The following EIF4E2 variants were observed in gnomAD, a reference collection of about 807,000 sequenced individuals.
EIF4E2 encodes eukaryotic translation initiation factor 4E family member 2.
EIF4E2 carries 13 observed loss-of-function variants against 34.2 expected under a neutral mutation model. That is an observed-to-expected ratio of 0.38 (90% CI 0.25 to 0.60). The LOEUF is 0.60. EIF4E2 is among the 20% of genes least tolerant of loss of function. EIF4E2 has a pLI of 0.62. For missense variants in EIF4E2, 222 were observed against 315.1 expected (o/e 0.70, Z 2.24); for synonymous variants, 100 against 106.6 (o/e 0.94, Z 0.38).
In EIF4E2 at chr2:232,580,825, C is replaced by T. The variant is rs1358587880; in HGVS notation, c.666-79C>T. On this transcript the variant is annotated intron_variant, in intron 6 of 6. Transcript: ENST00000409098. ...GAGACCCCGAGGGCTGATGAGTCAG[C>T]ATCCCCCTGTATATGTGTGCTTCTG... The T allele has an allele frequency of 9.2e-6, 12 of 1,305,282 alleles. No homozygotes were observed. In the Admixed American group the frequency reaches 2.5e-4, roughly 27 times the overall value. The allele number at this position is 1,305,282 out of a possible 1,614,324, so 80.9% of individuals were successfully genotyped here.
At chr2:232,554,039 C>T (rs1011889304) in intron 1 of EIF4E2, among the ~76,000 whole-genome samples, 1 of 152,100 alleles carries the variant, frequency 6.6e-6, no homozygotes, top group African/African-American at 2.4e-5. Flanking sequence ...AGGGTGTGCC[C>T]TGAAGAAGAG....
chr2:232,574,718 G>C (rs1002841131), intron 6 of EIF4E2, among the ~76,000 whole-genome samples: 1 of 152,192 alleles, frequency 6.6e-6, no homozygotes, highest in Non-Finnish European at 1.5e-5. Context: ...AGTTCCACAG[G>C]CCCCAACATG....
chr2:232,580,876 T>C (rs555802431), intron 6 of EIF4E2: 2 of 1,539,944 alleles, frequency 1.3e-6, no homozygotes, highest in Non-Finnish European at 1.8e-6. Flanking sequence ...TATTGAACAC[T>C]CTATTTTCTC....
chr2:232,559,219 TA>T lies in EIF4E2; in HGVS notation c.270+1215del, dbSNP rs1553582294. 7.7e-3 allele frequency among the ~76,000 whole-genome samples: 516 copies of T among 66,720 alleles called. 2 individuals carry two copies. The highest frequency in any genetic ancestry group is 0.011 in the African/African-American group (154 of 14,338). The allele number at this position is 66,720 out of a possible 152,430, so 43.8% of individuals were successfully genotyped here. ...CACATGTACCCTAAAACTTAAAGTA[TA>T]AAAAAAAAAAAAAGAATGATTCAGT... On this transcript the variant is annotated intron_variant, in intron 3 of 6. Transcript: ENST00000258416.
At chr2:232,560,578 C>G (rs1692688427) in intron 3 of EIF4E2, among the ~76,000 whole-genome samples, 1 of 152,116 alleles carries the variant, frequency 6.6e-6, no homozygotes, top group South Asian at 2.1e-4. Flanking sequence ...GAGTTTGAGA[C>G]CAGCCTGGGC....
rs1693032970 is a variant in EIF4E2 at position 232,569,190 on chromosome 2, TTAA to T, written c.*177_*179del. ...CAGCTACAACAACAGCTGAGATCAC[TTAA>T]TAAATGGTGCTAAACTAGCTTGTCT... On this transcript the variant is annotated 3_prime_UTR_variant, in exon 7 of 7. Coordinates refer to ENST00000258416, the MANE Select transcript of EIF4E2 (RefSeq NM_004846.4). 1 of 1,436,996 alleles carries T rather than the reference TTAA, an allele frequency of 7.0e-7. No homozygotes were observed. The highest frequency in any genetic ancestry group is 9.1e-7 in the Non-Finnish European group (1 of 1,097,862). The allele number at this position is 1,436,996 out of a possible 1,614,324, so 89.0% of individuals were successfully genotyped here. A position where few individuals can be genotyped will look rare whatever the true frequency, so the allele number is the denominator to read the frequency against.
At chr2:232,577,815 G>A (rs1478632993) in intron 6 of EIF4E2, among the ~76,000 whole-genome samples, 5 of 152,264 alleles carry the variant, frequency 3.3e-5, no homozygotes, top group East Asian at 1.9e-4. Context: ...TGCTGTCACA[G>A]CTTTGCCAGA....
rs1299330456 is a variant in EIF4E2, at chr2:232,566,121, G to A, written c.376-708G>A. Among the ~76,000 whole-genome samples, 1 of 152,064 alleles carries A rather than the reference G, an allele frequency of 6.6e-6. No individual in the cohort carries two copies. The highest frequency in any genetic ancestry group is 6.6e-5 in the Admixed American group (1 of 15,262). On this transcript the variant is annotated intron_variant, in intron 4 of 6. Transcript: ENST00000258416. The surrounding 1 kb of genome is among the most constrained non-coding windows in gnomAD (Gnocchi z 4.9). ...AAGAAAAAAAAAAAAACTAGATTGGGGCTTCATGTCTGTGTACTTGGTATG... is the reference window on the plus strand; with the variant it reads ...AAGAAAAAAAAAAAAACTAGATTGGAGCTTCATGTCTGTGTACTTGGTATG...
At chr2:232,569,238 G>A, downstream of EIF4E2, 1 of 1,383,106 alleles carries the variant, frequency 7.2e-7, no homozygotes, top group Non-Finnish European at 9.4e-7. Context: ...GCTCTTTATG[G>A]TGCATCAAAG....
chr2:232,577,098 A>C (rs1484389076), intron 6 of EIF4E2, among the ~76,000 whole-genome samples: 1 of 152,250 alleles, frequency 6.6e-6, no homozygotes, highest in African/African-American at 2.4e-5. Flanking sequence ...GCTGGTATAC[A>C]CAGAGCAGTG....
chr2:232,555,884 TA>T (rs1410440527), intron 1 of EIF4E2, among the ~76,000 whole-genome samples: 2 of 152,014 alleles, frequency 1.3e-5, no homozygotes, highest in Non-Finnish European at 2.9e-5. Flanking sequence ...GATTTGCACT[TA>T]AAAAGATAAT....
At chr2:232,574,219 T>C in intron 6 of EIF4E2, 10 of 1,538,716 alleles carry the variant, frequency 6.5e-6, no homozygotes, top group Non-Finnish European at 8.8e-6. Context: ...TCAAAAGCTT[T>C]TGATCTGAAT....
In EIF4E2 at chr2:232,564,740, C is replaced by T. The variant is rs148194747; in HGVS notation, c.375+389C>T. ...TGCTGGGATTACAGGCGTGAGCCAC[C>T]GTGCCCAGCTGGTTAAAAGTGTTTT... is the stretch of plus-strand genomic sequence containing the variant. On this transcript the variant is annotated intron_variant, in intron 4 of 6. Transcript: ENST00000258416. Among the ~76,000 whole-genome samples the T allele has an allele frequency of 4.7e-3, 712 of 152,312 alleles. 6 individuals carry two copies. Among genetic ancestry groups the T allele is most frequent in the African/African-American group, 0.016 (681 of 41,564 alleles).
At chr2:232,560,568 GAGTT>G (rs2106241441) in intron 3 of EIF4E2, among the ~76,000 whole-genome samples, 1 of 152,210 alleles carries the variant, frequency 6.6e-6, no homozygotes, top group South Asian at 2.1e-4. Context: ...TTGATCTCAA[GAGTT>G]TGAGACCAGC....
chr2:232,556,585 T>C, intron 2 of EIF4E2, 55 bp downstream of exon 2: 2 of 1,256,104 alleles, frequency 1.6e-6, no homozygotes, highest in Non-Finnish European at 2.3e-6. Flanking sequence ...TTTTATTATC[T>C]TGTGGAATCT....
rs1056041340 is a variant in EIF4E2, at chr2:232,564,154, A to G, written c.271-93A>G. 5.1e-6 allele frequency: 4 copies of G among 791,636 alleles called. No homozygotes were observed. In the African/African-American group the frequency reaches 5.3e-5, roughly 10 times the overall value. 49.0% of individuals were successfully genotyped at this position (791,636 alleles called of 1,614,324 possible). On this transcript the variant is annotated intron_variant, in intron 3 of 6. Transcript: ENST00000258416. The stretch of plus-strand genomic sequence containing the variant: ...GACAGCCTGTAGTATAGTGTCTTCC[A>G]TGCTTATGTTCTTAACTAAATCTCA...
intron 1 of EIF4E2, chr2:232,551,072 C>T: frequency 3.2e-6 from 2 of 624,242 alleles, no homozygotes; most frequent in South Asian, 1.6e-5. Flanking sequence ...GGGACCTCGG[C>T]GGTTTGGGTG....
downstream of EIF4E2, among the ~76,000 whole-genome samples, chr2:232,571,776 A>G (rs1036999432): frequency 2.6e-5 from 4 of 152,220 alleles, no homozygotes; most frequent in Admixed American, 6.5e-5. Flanking sequence ...TGGCTAAATC[A>G]TAGTCCAGTA....
At chr2:232,574,020 G>T, downstream of EIF4E2, 1 of 686,084 alleles carries the variant, frequency 1.5e-6, no homozygotes. Flanking sequence ...ATCCTTGAGG[G>T]AACAGGGGCA....
Sources: gnomAD v4.1 joint callset for allele counts (sites outside exome capture counted in the v4.1 genomes callset) on GRCh38, gnomAD v4.1.1 for gene constraint, Gnocchi (gnomAD v3.1) non-coding constraint, MANE v1.5 for transcripts, NCBI Gene and HGNC (gene_info 2026-07-23, HGNC 2026-07-21) for gene names.